The following CSMD3 variants were observed in gnomAD, a reference collection of about 807,000 sequenced individuals.
The protein encoded by CSMD3 is CUB and Sushi multiple domains 3.
A neutral mutation model predicts 435.2 loss-of-function variants in CSMD3; 177 were observed. The observed-to-expected ratio is 0.41, with a 90% CI of 0.36 to 0.46. The LOEUF is 0.46. Ranked by LOEUF, CSMD3 falls within the 20% of genes least tolerant of loss-of-function variation. CSMD3 has a pLI of 0.34. For synonymous variants in CSMD3, 1,656 were observed against 1,520.5 expected (o/e 1.09, Z -2.07); for missense variants, 4,265 against 4,504.6 (o/e 0.95, Z 1.52).
chr8:112,303,061 C>A (rs1361578716), intron 52 of CSMD3, among the ~76,000 whole-genome samples: 1 of 152,012 alleles, frequency 6.6e-6, no homozygotes, highest in Non-Finnish European at 1.5e-5. Flanking sequence ...GAATCTAACA[C>A]AATGGAATCA....
chr8:112,247,235 G>T, intron 63 of CSMD3, 104 bp from the exon 64 acceptor site: 1 of 715,396 alleles, frequency 1.4e-6, no homozygotes. Context: ...ATTCCGTATG[G>T]TAAAGTTGGA....
intron 8 of CSMD3, among the ~76,000 whole-genome samples, chr8:112,950,666 C>T (rs964128842): frequency 6.6e-6 from 1 of 151,856 alleles, no homozygotes; most frequent in African/African-American, 2.4e-5. Flanking sequence ...TTTACACCTC[C>T]TACAGGTGAG....
intron 10 of CSMD3, among the ~76,000 whole-genome samples, chr8:112,871,563 C>T: frequency 6.6e-6 from 1 of 152,002 alleles, no homozygotes; most frequent in Admixed American, 6.5e-5. Context: ...CATGGACGTG[C>T]ATAGCAATTG....
chr8:112,641,871 T>G (rs1484386361), intron 20 of CSMD3, among the ~76,000 whole-genome samples: 1 of 151,774 alleles, frequency 6.6e-6, no homozygotes, highest in East Asian at 1.9e-4. Context: ...CCCAAAGCAA[T>G]GACCTCCTAA....
chr8:112,308,173 G>A (rs1170987310), intron 50 of CSMD3, among the ~76,000 whole-genome samples: 1 of 152,022 alleles, frequency 6.6e-6, no homozygotes, highest in African/African-American at 2.4e-5. Flanking sequence ...CTCTAAAATA[G>A]TGTTGAAAAG....
At position 113,256,438 on chromosome 8, in the gene CSMD3, G is replaced by T. The variant is rs193053038; in HGVS notation, c.514+22154C>A. On this transcript the variant is annotated intron_variant, in intron 3 of 70. Transcript: ENST00000297405. Reference sequence around the variant, plus strand: ...ATGGCCACTGCCAAATTAACTAAAGGAATCATTACAATTGAAGCTGGCATA... The same window carrying T: ...ATGGCCACTGCCAAATTAACTAAAGTAATCATTACAATTGAAGCTGGCATA... Among the ~76,000 whole-genome samples the T allele has an allele frequency of 2.0e-5, 3 of 152,178 alleles. No individual in the cohort carries two copies. The East Asian group carries it at 5.8e-4, about 29-fold the overall frequency.
intron 13 of CSMD3, among the ~76,000 whole-genome samples, chr8:112,784,007 A>G (rs2078470728): frequency 6.6e-6 from 1 of 152,098 alleles, no homozygotes; most frequent in African/African-American, 2.4e-5. Context: ...GAGATTTAGC[A>G]TTCAAGTTTC....
chr8:112,471,445 G>A (rs182114486), intron 32 of CSMD3, among the ~76,000 whole-genome samples: 4 of 152,184 alleles, frequency 2.6e-5, no homozygotes, highest in East Asian at 1.9e-4. Flanking sequence ...TGATTCAACC[G>A]ATCAATATGT....
chr8:112,607,953 A>G (rs1447141519), intron 22 of CSMD3, among the ~76,000 whole-genome samples: 1 of 152,158 alleles, frequency 6.6e-6, no homozygotes, highest in East Asian at 1.9e-4. Context: ...AGTTCTAGCC[A>G]GAGCAACTAG....
intron 1 of CSMD3, among the ~76,000 whole-genome samples, chr8:113,422,870 T>C (rs1461848886): frequency 1.3e-5 from 2 of 152,106 alleles, no homozygotes; most frequent in African/African-American, 4.8e-5. Flanking sequence ...CATGATACTT[T>C]AAAGTGTAGA....
intron 35 of CSMD3, among the ~76,000 whole-genome samples, chr8:112,399,713 A>G (rs1017737077): frequency 6.6e-6 from 1 of 152,156 alleles, no homozygotes; most frequent in Non-Finnish European, 1.5e-5. Flanking sequence ...CATGAACACA[A>G]TCAGCCACTT....
intron 6 of CSMD3, among the ~76,000 whole-genome samples, chr8:112,984,794 G>A (rs556225283): frequency 8.3e-4 from 127 of 152,142 alleles, no homozygotes; most frequent in African/African-American, 2.8e-3. Context: ...AAATGCAAAT[G>A]TTATACATGA....
intron 11 of CSMD3, among the ~76,000 whole-genome samples, chr8:112,843,527 T>C (rs1054273027): frequency 3.9e-5 from 6 of 151,910 alleles, no homozygotes; most frequent in Admixed American, 3.9e-4. Flanking sequence ...AATCTTGAGA[T>C]GAAAAGTTTA....
At chr8:112,471,280 A>G (rs1026057604) in intron 32 of CSMD3, among the ~76,000 whole-genome samples, 1 of 152,162 alleles carries the variant, frequency 6.6e-6, no homozygotes, top group Non-Finnish European at 1.5e-5. Context: ...CATTGTTAGG[A>G]TTCTGTCAGC....
chr8:113,016,695 T>C (rs536828660), intron 6 of CSMD3, among the ~76,000 whole-genome samples: 4 of 151,820 alleles, frequency 2.6e-5, no homozygotes, highest in African/African-American at 2.4e-5. Context: ...TTGTATAATA[T>C]ATTACACAAA....
chr8:112,971,929 C>G (rs547401835), intron 7 of CSMD3, among the ~76,000 whole-genome samples: 1 of 151,842 alleles, frequency 6.6e-6, no homozygotes, highest in African/African-American at 2.4e-5. Context: ...TGGAATGGTA[C>G]CCTATAAAGA....
chr8:113,086,666 C>T (rs182390247), intron 5 of CSMD3, among the ~76,000 whole-genome samples: 110 of 152,202 alleles, frequency 7.2e-4, no homozygotes, highest in Non-Finnish European at 1.2e-3. Context: ...TTTGGCTTTA[C>T]GTATGCTAAT....
rs770342650 is a variant in CSMD3, at chr8:112,301,874, A to C, written c.8359T>G (p.Leu2787Val). The C allele has an allele frequency of 2.2e-5, 35 of 1,613,710 alleles. No individual in the cohort carries two copies. Among genetic ancestry groups the C allele is most frequent in the Non-Finnish European group, 2.9e-5 (34 of 1,179,766 alleles). ...GCAGAGCCCACAAGCATGAATCCCA[A>C]GTCGCAGGTAAAGATAGCTGTTGAG... ...YGSTAIFTCD[L>V]GFMLVGSAVR... The change falls in exon 53 of 71, where the codon TTG (leucine) becomes GTG (valine). Residue 2787 changes from leucine (L) to valine (V), a missense_variant. Leu to Val is a conservative substitution (Grantham distance 32, BLOSUM62 1). Transcript: ENST00000297405.
chr8:113,326,445 A>G (rs2093984607), intron 1 of CSMD3, among the ~76,000 whole-genome samples: 1 of 152,032 alleles, frequency 6.6e-6, no homozygotes, highest in Non-Finnish European at 1.5e-5. Flanking sequence ...TGATTTGTCT[A>G]CAAATTAAAC....
Sources: allele counts gnomAD v4.1 joint callset (sites outside exome capture counted in the v4.1 genomes callset), GRCh38; gene constraint gnomAD v4.1.1; transcripts MANE v1.5; gene names NCBI Gene and HGNC (gene_info 2026-07-23, HGNC 2026-07-21).